The following SSX3 variants were observed in gnomAD, a reference collection of about 807,000 sequenced individuals.
SSX3 encodes protein SSX3.
Under a neutral mutation model 14.8 loss-of-function variants are expected in SSX3, and 6 were observed. The ratio of observed to expected loss-of-function variants is 0.41; its 90% CI spans 0.22 to 0.80. The LOEUF (loss-of-function observed/expected upper bound fraction) is 0.80, where lower values mean the gene tolerates loss of function less well. SSX3 is among the 30% of genes least tolerant of loss of function. SSX3 has a pLI of 0.34. For missense variants in SSX3, 163 were observed against 152.2 expected, an observed-to-expected ratio of 1.07 and a Z score of -0.37; for synonymous variants, 55 against 52.9, an observed-to-expected ratio of 1.04 and a Z score of -0.18.
chrX:48,347,357 T>C (rs2061243277), intron 7 of SSX3, 143 bp downstream of exon 7: 1 of 954,706 alleles, frequency 1.0e-6, no homozygotes, highest in East Asian at 3.1e-5. Flanking sequence ...GCATGGGAAA[T>C]CTCATCATTC....
chrX:48,353,120 CACTT>C (rs1556950233), intron 4 of SSX3, among the ~76,000 whole-genome samples: 2 of 108,208 alleles, frequency 1.8e-5, no homozygotes, highest in Admixed American at 2.0e-4. Context: ...ACAGTTTTAA[CACTT>C]TCTTTCTTTT....
chrX:48,355,167 C>T lies in SSX3; in HGVS notation c.69+14G>A. On this transcript the variant is annotated intron_variant, in intron 2 of 7. Transcript: ENST00000298396. Reference sequence around the variant, plus strand: ...CCCCTGGGTCACTACTCTGCTCCCTCTAGGTCACCTCACCTTTTGTATCTT... The same window carrying T: ...CCCCTGGGTCACTACTCTGCTCCCTTTAGGTCACCTCACCTTTTGTATCTT... The T allele has an allele frequency of 8.3e-7, 1 of 1,210,214 alleles. No homozygotes were observed.
At chrX:48,347,693 C>T (rs1474040802) in intron 6 of SSX3, 89 bp from the exon 7 acceptor site, 15 of 1,189,311 alleles carry the variant, frequency 1.3e-5, no homozygotes, top group Non-Finnish European at 1.6e-5. Context: ...TGCCTGCTTC[C>T]TCCCAAGTGC....
At chrX:48,349,618 A>C (rs1556949180) in intron 6 of SSX3, 1 of 1,207,003 alleles carries the variant, frequency 8.3e-7, no homozygotes, top group Admixed American at 2.2e-5. Flanking sequence ...TGAGCTGAGT[A>C]AGATATGATC....
chrX:48,348,270 A>T, intron 6 of SSX3: 1 of 471,511 alleles, frequency 2.1e-6, no homozygotes, highest in South Asian at 3.0e-5. Context: ...TAGTTTTTTT[A>T]AGTACAATTA....
chrX:48,348,266 T>C (rs2061246995), intron 6 of SSX3: 2 of 471,522 alleles, frequency 4.2e-6, no homozygotes, highest in Non-Finnish European at 7.6e-6. Flanking sequence ...CTTTTAGTTT[T>C]TTTAAGTACA....
chrX:48,350,771 C>CTTTTTT (rs374614128), intron 5 of SSX3, among the ~76,000 whole-genome samples: 2 of 96,367 alleles, frequency 2.1e-5, no homozygotes, highest in Admixed American at 1.1e-4. Context: ...CTTTCTTTTT[C>CTTTTTT]TTTTTTTTTT....
At chrX:48,349,439 C>T in intron 6 of SSX3, 5 of 955,291 alleles carry the variant, frequency 5.2e-6, no homozygotes, top group Non-Finnish European at 5.6e-6. Context: ...AAGGTATATA[C>T]ATTTTTAGAC....
intron 3 of SSX3, among the ~76,000 whole-genome samples, 162 bp downstream of exon 3, chrX:48,354,470 T>C (rs2061277245): frequency 1.8e-5 from 2 of 109,111 alleles, no homozygotes; most frequent in South Asian, 8.3e-4. Context: ...CCCTCAGCCC[T>C]GACAGGATAT....
intron 6 of SSX3, chrX:48,348,562 G>A (rs1381019220): frequency 6.9e-6 from 3 of 437,049 alleles, no homozygotes; most frequent in Admixed American, 3.7e-5. Flanking sequence ...AGCTAGAAAT[G>A]GCTAAGATTA....
rs1345832362 is a variant in SSX3 at position 48,346,738 on chromosome X, T to C, written c.*302A>G. 6 of 426,287 alleles carry C rather than the reference T, an allele frequency of 1.4e-5. No individual in the cohort carries two copies. The highest frequency in any genetic ancestry group is 2.5e-5 in the Non-Finnish European group (6 of 243,652). The allele number at this position is 426,287 out of a possible 1,213,427, so 35.1% of individuals were successfully genotyped here. On this transcript the variant is annotated 3_prime_UTR_variant, in exon 8 of 8. Coordinates refer to ENST00000298396, the MANE Select transcript of SSX3 (RefSeq NM_021014.4). ...TGTTCCATGCAGAGGTAACTGACAA[T>C]ACTTGTTTTCTAAGGTAGGTGCATG...
At chrX:48,354,845 G>T (rs1243395823) in intron 2 of SSX3, 99 bp from the exon 3 acceptor site, 4 of 1,198,986 alleles carry the variant, frequency 3.3e-6, no homozygotes, top group African/African-American at 1.8e-5. Context: ...GGGAAGTGGG[G>T]ATAATCCTTC....
intron 1 of SSX3, 54 bp from the exon 2 acceptor site, chrX:48,355,323 A>C (rs2061282150): frequency 9.0e-7 from 1 of 1,108,540 alleles, no homozygotes; most frequent in Non-Finnish European, 1.2e-6. Context: ...GGTCTTGTGG[A>C]GGGAGAAATC....
chrX:48,348,466 T>C, intron 6 of SSX3: 2 of 515,638 alleles, frequency 3.9e-6, no homozygotes, highest in East Asian at 3.7e-5. Context: ...ACAGCAATAC[T>C]GAAATGAGGA....
intron 4 of SSX3, among the ~76,000 whole-genome samples, chrX:48,352,735 A>T (rs1391829544): frequency 1.8e-5 from 2 of 112,272 alleles, no homozygotes; most frequent in East Asian, 2.8e-4. Context: ...CGGTTTGGAC[A>T]TTCTGACCTT....
At chrX:48,349,615 A>C (rs375614577) in intron 6 of SSX3, 57 of 1,205,926 alleles carry the variant, frequency 4.7e-5, no homozygotes, top group Non-Finnish European at 5.6e-5. Flanking sequence ...CATTGAGCTG[A>C]GTAAGATATG....
In SSX3 at chrX:48,354,869, C is replaced by T. The variant is rs782310195; in HGVS notation, c.70-123G>A. 37 of 1,194,179 alleles carry T rather than the reference C, an allele frequency of 3.1e-5. No homozygotes were observed. In the East Asian group the frequency reaches 6.0e-4, roughly 19 times the overall value. ...GGATAATCCTTCCTGGTTGATGCCACGGCTAACTGACAGAACATGAGGGAC... is the reference window on the plus strand; with the variant it reads ...GGATAATCCTTCCTGGTTGATGCCATGGCTAACTGACAGAACATGAGGGAC... On this transcript the variant is annotated intron_variant, in intron 2 of 7. Transcript: ENST00000298396.
At chrX:48,347,896 T>C (rs1556948852) in intron 6 of SSX3, among the ~76,000 whole-genome samples, 2 of 112,567 alleles carry the variant, frequency 1.8e-5, no homozygotes, top group South Asian at 3.7e-4. Flanking sequence ...CACGTATTTG[T>C]TAAAGCCACA....
At chrX:48,351,735 G>A (rs782786956) in intron 5 of SSX3, among the ~76,000 whole-genome samples, 26 of 111,313 alleles carry the variant, frequency 2.3e-4, no homozygotes, top group Non-Finnish European at 3.8e-4. Context: ...TCATGGACCA[G>A]GAATCTGGAG....
Sources: gnomAD v4.1 joint callset for allele counts (sites outside exome capture counted in the v4.1 genomes callset) on GRCh38, gnomAD v4.1.1 for gene constraint, MANE v1.5 for transcripts, NCBI Gene and HGNC (gene_info 2026-07-23, HGNC 2026-07-21) for gene names.